JAK3: variants seen among roughly 807,000 people sequenced by gnomAD.
JAK3 encodes the protein tyrosine-protein kinase JAK3.
Under a neutral mutation model 120.8 loss-of-function variants are expected in JAK3, and 88 were observed. The ratio of observed to expected loss-of-function variants is 0.73; its 90% CI spans 0.61 to 0.87. JAK3 has a LOEUF of 0.87. Ranked by LOEUF, JAK3 falls within the 40% of genes least tolerant of loss-of-function variation. JAK3 has a pLI of 0.00. For missense variants in JAK3, 1,254 were observed against 1,501.4 expected (o/e 0.84, Z 2.72); for synonymous variants, 592 against 628.6 (o/e 0.94, Z 0.87).
rs749177540 is a variant in JAK3 at position 17,842,420 on chromosome 19, T to C, written c.757A>G (p.Thr253Ala). The change falls in exon 6 of 24, where the codon ACC (threonine) becomes GCC (alanine). Residue 253 changes from threonine to alanine, a missense_variant. Transcript: ENST00000458235. This position sits in a 1 kb window ranked among gnomAD's most constrained non-coding sequence, Gnocchi z 6.4. The part of the protein sequence containing the change: ...ERLDPAGAAE[T>A]FHVGLPGALG... ...GCCCCAGGGAGGCCCACGTGGAAGG[T>C]CTCGGCGGCCCCGGCTGGATCCAGC... The C allele has an allele frequency of 2.0e-5, 32 of 1,584,400 alleles. No homozygotes were observed. In the Middle Eastern group the frequency reaches 1.5e-3, roughly 74 times the overall value.
At chr19:17,838,166 C>T (rs1270803839) in intron 11 of JAK3, 97 bp downstream of exon 11, 1 of 1,612,456 alleles carries the variant, frequency 6.2e-7, no homozygotes, top group African/African-American at 1.3e-5. Context: ...GATGGGAAAA[C>T]CGAGGCAAGG....
In JAK3 at chr19:17,839,659, G is replaced by A. The variant is rs776128639; in HGVS notation, c.1259C>T (p.Pro420Leu). 1.2e-6 allele frequency: 2 copies of A among 1,609,714 alleles called. No homozygotes were observed. The highest frequency in any genetic ancestry group is 1.3e-5 in the African/African-American group (1 of 74,872). Residue 420 changes from proline (P) to leucine (L), a missense_variant, in exon 10 of 24, where the codon CCC (proline) becomes CTC (leucine). By Grantham distance (98) the Pro-to-Leu change is moderately conservative. This residue lies in a region of JAK3 where 486 missense variants were observed against 503.0 expected (regional missense o/e 0.97). Transcript: ENST00000458235. ...GCAGCCCTTATAATCAGGACCAAGG[G>A]GGTTCTGCAAAGAAGAGTGGCCCCT... ...SFLLTVCVQN[P>L]LGPDYKGCLI...
intron 23 of JAK3, among the ~76,000 whole-genome samples, chr19:17,829,501 T>C (rs1205168956): frequency 6.0e-5 from 9 of 150,636 alleles, no homozygotes; most frequent in Non-Finnish European, 1.3e-4. Context: ...TGTACACCTA[T>C]AGTCCCAGCA....
rs202094680 is a variant in JAK3, at chr19:17,832,722, G to A, written c.2491-14C>T. On this transcript the variant is annotated splice_polypyrimidine_tract_variant and intron_variant, in intron 18 of 23. Transcript: ENST00000458235. This position sits in a 1 kb window ranked among gnomAD's most constrained non-coding sequence, Gnocchi z 4.7. ...GCCAAAGTTGCCCTGGGGGATAGCG[G>A]GACTGATGTCCAGGCACCTGGATGC... 3.5e-5 allele frequency: 56 copies of A among 1,614,108 alleles called. No homozygotes were observed. The highest frequency in any genetic ancestry group is 4.2e-5 in the Non-Finnish European group (49 of 1,180,058).
intron 10 of JAK3, chr19:17,839,239 G>A (rs1233338802): frequency 1.5e-6 from 1 of 652,136 alleles, no homozygotes; most frequent in Non-Finnish European, 2.8e-6. Flanking sequence ...CAGAGGAAGA[G>A]CTGAGAGCTG....
At chr19:17,836,345 C>T (rs1345703104) in intron 13 of JAK3, among the ~76,000 whole-genome samples, 2 of 151,916 alleles carry the variant, frequency 1.3e-5, no homozygotes, top group Non-Finnish European at 2.9e-5. Flanking sequence ...TGCAGTGGTG[C>T]GATCTCGGCT....
In JAK3 at chr19:17,839,681, C is replaced by A; in HGVS notation, c.1255-18G>T. Reference sequence around the variant, plus strand: ...AGGGGGTTCTGCAAAGAAGAGTGGCCCCTGAGTGGGACTGAGCGACAGACA... The same window carrying A: ...AGGGGGTTCTGCAAAGAAGAGTGGCACCTGAGTGGGACTGAGCGACAGACA... On this transcript the variant is annotated intron_variant, in intron 9 of 23. Coordinates refer to ENST00000458235, the MANE Select transcript of JAK3 (RefSeq NM_000215.4). 2 of 1,599,332 alleles carry A rather than the reference C, an allele frequency of 1.3e-6. No individual in the cohort carries two copies. The highest frequency in any genetic ancestry group is 2.7e-5 in the African/African-American group (2 of 74,542).
At chr19:17,838,229 C>T (rs770270447) in intron 11 of JAK3, 34 bp downstream of exon 11, 1 of 1,613,798 alleles carries the variant, frequency 6.2e-7, no homozygotes, top group South Asian at 1.1e-5. Context: ...GGACCCCAGA[C>T]TGAGGTATCG....
At position 17,842,978 on chromosome 19, in the gene JAK3, G is replaced by T; in HGVS notation, c.566+49C>A. 1 of 1,604,322 alleles carries T rather than the reference G, an allele frequency of 6.2e-7. No individual in the cohort carries two copies. On this transcript the variant is annotated intron_variant, in intron 5 of 23. Transcript: ENST00000458235. The surrounding 1 kb of genome is among the most constrained non-coding windows in gnomAD (Gnocchi z 6.4). ...CCGGCAAAGCCCCGATGGAGCCCAC[G>T]TTGCTCACTCCCAAGCAGAGGCCGT...
chr19:17,831,078 G>C lies in JAK3; in HGVS notation c.2978+150C>G. 2 of 732,536 alleles carry C rather than the reference G, an allele frequency of 2.7e-6. No individual in the cohort carries two copies. The highest frequency in any genetic ancestry group is 4.5e-6 in the Non-Finnish European group (2 of 447,090). 45.4% of individuals were successfully genotyped at this position (732,536 alleles called of 1,614,324 possible). On this transcript the variant is annotated intron_variant, in intron 21 of 23. Transcript: ENST00000458235. The surrounding 1 kb of genome is among the most constrained non-coding windows in gnomAD (Gnocchi z 5.1). ...GAGCCAGTGCTGTTGAGGGGGCGGG[G>C]CTCTGGGGAGTGGGAGGGGCCAAAG... is the stretch of plus-strand genomic sequence containing the variant.
At chr19:17,827,404 G>A (rs1419317248) in intron 23 of JAK3, among the ~76,000 whole-genome samples, 1 of 149,876 alleles carries the variant, frequency 6.7e-6, no homozygotes, top group African/African-American at 2.5e-5. Flanking sequence ...CTGGAATGCA[G>A]TGGTGCGATC....
chr19:17,847,851 G>T (rs2094255967), intron 1 of JAK3, 95 bp downstream of exon 1: 1 of 546,444 alleles, frequency 1.8e-6, no homozygotes, highest in East Asian at 8.0e-5. Flanking sequence ...GCTAGCCTTT[G>T]CCCTGGCAGC....
At chr19:17,834,814 G>C (rs768787926) in intron 16 of JAK3, 38 bp downstream of exon 16, 4 of 1,613,564 alleles carry the variant, frequency 2.5e-6, no homozygotes, top group Non-Finnish European at 3.4e-6. Flanking sequence ...CTGTCAAAGT[G>C]GGGGTTCGGA....
In JAK3 at chr19:17,840,226, C is replaced by T. The variant is rs200084748; in HGVS notation, c.1254+4G>A. The stretch of plus-strand genomic sequence containing the variant: ...TCCACTACCCACCCTAGCAGTAGAC[C>T]GACCTGGACACAGACAGTGAGGAGG... On this transcript the variant is annotated splice_donor_region_variant and intron_variant, in intron 9 of 23. Transcript: ENST00000458235. 2.4e-4 allele frequency: 386 copies of T among 1,608,314 alleles called. No individual in the cohort carries two copies. Among genetic ancestry groups the T allele is most frequent in the African/African-American group, 3.5e-4 (26 of 74,778 alleles).
chr19:17,837,056 C>T, intron 13 of JAK3, 73 bp downstream of exon 13: 2 of 1,014,758 alleles, frequency 2.0e-6, no homozygotes, highest in South Asian at 1.4e-5. Context: ...TATAGCGGCT[C>T]AGAACAGAGG....
chr19:17,828,224 T>C (rs1022910782), intron 23 of JAK3, among the ~76,000 whole-genome samples: 1 of 93,140 alleles, frequency 1.1e-5, no homozygotes, highest in Non-Finnish European at 2.0e-5. Context: ...CATAATTTTG[T>C]CTTTGTTTTG....
In JAK3 at chr19:17,832,766, C is replaced by A. The variant is rs1383923506; in HGVS notation, c.2490+24G>T. ...TGGATGCTGCCCTGCCCTCTCCAAC[C>A]CACCCTGGCCCTGCCCACCTTACCT... On this transcript the variant is annotated intron_variant, in intron 18 of 23. Coordinates refer to ENST00000458235, the MANE Select transcript of JAK3 (RefSeq NM_000215.4). This position sits in a 1 kb window ranked among gnomAD's most constrained non-coding sequence, Gnocchi z 4.7. 1 of 1,614,242 alleles carries A rather than the reference C, an allele frequency of 6.2e-7. No individual in the cohort carries two copies. Among genetic ancestry groups the A allele is most frequent in the Admixed American group, 1.7e-5 (1 of 60,022 alleles).
intron 10 of JAK3, chr19:17,839,237 G>A (rs2094231719): frequency 1.5e-6 from 1 of 649,754 alleles, no homozygotes; most frequent in Non-Finnish European, 2.8e-6. Flanking sequence ...CCCAGAGGAA[G>A]AGCTGAGAGC....
At chr19:17,827,717 TAAAAAA>T (rs760856974) in intron 23 of JAK3, among the ~76,000 whole-genome samples, 2 of 77,678 alleles carry the variant, frequency 2.6e-5, no homozygotes, top group Non-Finnish European at 4.6e-5. Flanking sequence ...CCATCTTAAC[TAAAAAA>T]AAAAAAAAAA....
Sources: allele counts gnomAD v4.1 joint callset (sites outside exome capture counted in the v4.1 genomes callset), GRCh38; gene constraint gnomAD v4.1.1; regional missense constraint gnomAD v4.1.1; non-coding constraint Gnocchi (gnomAD v3.1); transcripts MANE v1.5; gene names NCBI Gene and HGNC (gene_info 2026-07-23, HGNC 2026-07-21).